ZBED6: variants seen among roughly 807,000 people sequenced by gnomAD.
ZBED6 encodes the protein zinc finger BED domain-containing protein 6.
In ZBED6, 40 loss-of-function variants were observed where a neutral mutation model predicts 58.4. The observed-to-expected ratio is 0.68, with a 90% confidence interval of 0.53 to 0.89. The LOEUF is 0.89. Among genes scored for constraint, ZBED6 ranks in the 40% least tolerant of loss-of-function variants. The pLI, the probability that ZBED6 is intolerant of heterozygous loss-of-function variation, is 0.00. For synonymous variants in ZBED6, 439 were observed against 350.6 expected (o/e 1.25, Z -2.82); for missense variants, 1,057 against 1,003.9 (o/e 1.05, Z -0.71).
At chr1:203,799,901 G>C in exon 1 of ZBED6, 1 of 1,536,114 alleles carries the variant, frequency 6.5e-7, no homozygotes, top group Non-Finnish European at 8.7e-7. Context: ...CTTATAAGCA[G>C]TTCCTTGCAG....
intron 1 of ZBED6, among the ~76,000 whole-genome samples, chr1:203,805,277 G>A (rs554350575): frequency 1.3e-5 from 2 of 150,896 alleles, no homozygotes; most frequent in East Asian, 2.0e-4. Flanking sequence ...GACTACAGGC[G>A]CCCGCCACCA....
At chr1:203,832,226 T>C (rs953429006) in intron 8 of ZBED6, among the ~76,000 whole-genome samples, 6 of 151,966 alleles carry the variant, frequency 3.9e-5, no homozygotes, top group African/African-American at 1.2e-4. Flanking sequence ...GCCCGGCTGA[T>C]TTTTTTGTAT....
intron 11 of ZBED6, among the ~76,000 whole-genome samples, chr1:203,842,758 C>T (rs115962621): frequency 0.011 from 1,618 of 150,386 alleles, 21 homozygotes; most frequent in African/African-American, 0.038. Context: ...CAAAAATACA[C>T]GAGAATATAA....
At chr1:203,837,422 T>TA (rs1684700382) in intron 9 of ZBED6, among the ~76,000 whole-genome samples, 1 of 152,192 alleles carries the variant, frequency 6.6e-6, no homozygotes, top group Non-Finnish European at 1.5e-5. Context: ...AATGTTTGTG[T>TA]ATTCTAATTT....
At chr1:203,820,166 C>T (rs569706584) in intron 3 of ZBED6, among the ~76,000 whole-genome samples, 6 of 149,492 alleles carry the variant, frequency 4.0e-5, no homozygotes, top group Non-Finnish European at 5.9e-5. Flanking sequence ...ACCTGGGAGG[C>T]GGAGGTTGCA....
intron 1 of ZBED6, among the ~76,000 whole-genome samples, chr1:203,812,395 A>G (rs1233514394): frequency 1.3e-5 from 2 of 152,056 alleles, no homozygotes; most frequent in African/African-American, 2.4e-5. Context: ...CTGTTTCTGC[A>G]TTAGTTTGCT....
intron 1 of ZBED6, among the ~76,000 whole-genome samples, chr1:203,811,529 G>A (rs1424847266): frequency 6.6e-6 from 1 of 151,946 alleles, no homozygotes; most frequent in African/African-American, 2.4e-5. Context: ...TTTTTCTGGA[G>A]GCAGAATCTT....
Position 203,829,267 on chromosome 1 carries a change from G to T in ZBED6, c.*2998-184G>T. 9.6e-6 allele frequency: 6 copies of T among 626,552 alleles called. No individual in the cohort carries two copies. In the South Asian group the frequency reaches 1.2e-4, roughly 12 times the overall value. 38.8% of individuals were successfully genotyped at this position (626,552 alleles called of 1,614,324 possible). A position where few individuals can be genotyped will look rare whatever the true frequency, so the allele number is the denominator to read the frequency against. ...TGTGTTTATGTACAGTGGAGAGTTA[G>T]TGGAGAGTTAATTAGGTAAAAGCAC... On this transcript the variant is annotated intron_variant, in intron 4 of 16. Coordinates refer to ENST00000550078, the Ensembl canonical transcript of ZBED6.
In ZBED6 at chr1:203,821,984, G is replaced by C. The variant is rs370110104; in HGVS notation, c.*2873+3295G>C. ...GTGTTAGCCAGGATGGTCTCGATCT[G>C]CTGACCTCGTGATCCGCCCGCCTTG... is the stretch of plus-strand genomic sequence containing the variant. On this transcript the variant is annotated intron_variant, in intron 3 of 16. Coordinates refer to ENST00000550078, the Ensembl canonical transcript of ZBED6. 3.8e-3 allele frequency among the ~76,000 whole-genome samples: 577 copies of C among 152,060 alleles called. 3 individuals carry two copies. Among genetic ancestry groups the C allele is most frequent in the Middle Eastern group, 0.031 (9 of 294 alleles).
chr1:203,807,162 A>G (rs891028920), intron 1 of ZBED6, among the ~76,000 whole-genome samples: 1 of 152,192 alleles, frequency 6.6e-6, no homozygotes, highest in African/African-American at 2.4e-5. Context: ...GGCATGAGCT[A>G]CCATTCCTGA....
At chr1:203,814,385 G>C (rs532417348) in intron 1 of ZBED6, among the ~76,000 whole-genome samples, 82 of 152,148 alleles carry the variant, frequency 5.4e-4, no homozygotes, top group Non-Finnish European at 1.1e-3. Flanking sequence ...TTAGCCATAT[G>C]TGGTGGTGCA....
intron 1 of ZBED6, chr1:203,814,756 C>T (rs946994187): frequency 6.6e-5 from 10 of 152,176 alleles, no homozygotes; most frequent in Non-Finnish European, 1.3e-4. Context: ...TTTTTTACAG[C>T]AGCATTCACT....
intron 3 of ZBED6, 76 bp downstream of exon 3, chr1:203,818,765 G>T: frequency 6.2e-7 from 1 of 1,603,220 alleles, no homozygotes. Flanking sequence ...AGGGACAAAA[G>T]TGACTTTTAA....
At chr1:203,833,795 A>G in exon 9 of ZBED6, 1 of 1,605,566 alleles carries the variant, frequency 6.2e-7, no homozygotes, top group East Asian at 2.2e-5. Flanking sequence ...TTTCAGGAGA[A>G]GAACCCTTGG....
At chr1:203,830,458 ACAT>A (rs1335588781) in intron 7 of ZBED6, among the ~76,000 whole-genome samples, 1 of 152,244 alleles carries the variant, frequency 6.6e-6, no homozygotes, top group Non-Finnish European at 1.5e-5. Flanking sequence ...GCTCTGAAGA[ACAT>A]CATATAAGAA....
chr1:203,834,345 C>T (rs1683492825), intron 9 of ZBED6, among the ~76,000 whole-genome samples: 1 of 152,170 alleles, frequency 6.6e-6, no homozygotes, highest in Non-Finnish European at 1.5e-5. Context: ...AATCTCAGCT[C>T]ACTGCAACCT....
chr1:203,849,613 G>A (rs1384337758), intron 13 of ZBED6, 98 bp from the exon 14 acceptor site: 5 of 1,145,496 alleles, frequency 4.4e-6, no homozygotes, highest in Non-Finnish European at 6.4e-6. Flanking sequence ...TCTGGATCAT[G>A]TGAGATTCTG....
chr1:203,819,184 A>T (rs556928750), intron 3 of ZBED6, among the ~76,000 whole-genome samples: 210 of 151,292 alleles, frequency 1.4e-3, no homozygotes, highest in African/African-American at 4.9e-3. Context: ...GTGTATATAT[A>T]TACACAACTT....
chr1:203,829,996 C>A, intron 6 of ZBED6, 100 bp downstream of exon 6: 1 of 1,332,202 alleles, frequency 7.5e-7, no homozygotes, highest in Non-Finnish European at 1.1e-6. Context: ...TCCCATGCTA[C>A]ACGCATACTT....
Sources: allele counts gnomAD v4.1 joint callset (sites outside exome capture counted in the v4.1 genomes callset), GRCh38; gene constraint gnomAD v4.1.1; transcripts MANE v1.5; gene names NCBI Gene and HGNC (gene_info 2026-07-23, HGNC 2026-07-21).